SPIRE1: variants seen among roughly 807,000 people sequenced by gnomAD.
The protein encoded by SPIRE1 is protein spire homolog 1.
Under a neutral mutation model 94.1 loss-of-function variants are expected in SPIRE1, and 40 were observed. The ratio of observed to expected loss-of-function variants is 0.43; its 90% CI spans 0.33 to 0.55. The LOEUF is 0.55. Among genes scored for constraint, SPIRE1 ranks in the 20% least tolerant of loss-of-function variants. The probability of loss-of-function intolerance (pLI) is 0.06; values close to 1 mark genes in which losing one functional copy is unlikely to be tolerated. For synonymous variants in SPIRE1, 376 were observed against 371.7 expected, an observed-to-expected ratio of 1.01 and a Z score of -0.13; for missense variants, 838 against 975.2, an observed-to-expected ratio of 0.86 and a Z score of 1.87.
chr18:12,456,989 C>A (rs1333259948), intron 12 of SPIRE1, among the ~76,000 whole-genome samples: 1 of 152,110 alleles, frequency 6.6e-6, no homozygotes, highest in Non-Finnish European at 1.5e-5. Context: ...AGGTGTGCAC[C>A]ACCACACCTA....
intron 8 of SPIRE1, among the ~76,000 whole-genome samples, chr18:12,487,477 C>T (rs1037184375): frequency 2.7e-5 from 4 of 149,544 alleles, no homozygotes; most frequent in Non-Finnish European, 5.9e-5. Context: ...GGTGCAATCT[C>T]GGCTCACTAC....
intron 3 of SPIRE1, among the ~76,000 whole-genome samples, chr18:12,539,603 A>G: frequency 6.6e-6 from 1 of 150,784 alleles, no homozygotes; most frequent in East Asian, 1.9e-4. Context: ...ACACACACAC[A>G]CACACACACA....
intron 1 of SPIRE1, among the ~76,000 whole-genome samples, chr18:12,647,325 G>A (rs1447922824): frequency 6.6e-6 from 1 of 152,090 alleles, no homozygotes; most frequent in Non-Finnish European, 1.5e-5. Flanking sequence ...TGCTACATTT[G>A]TTCACCAAAA....
In SPIRE1 at chr18:12,546,683, A is replaced by G; in HGVS notation, c.594T>C (p.Asp198=). The change falls in exon 3 of 17, where the codon GAT becomes GAC. Residue 198 remains aspartate (D), a synonymous_variant. Coordinates refer to ENST00000409402, the MANE Select transcript of SPIRE1 (RefSeq NM_001128626.2). ...TAAAACGCTGCCTTACCTTCATGAC[A>G]TCTCTATATGACCGAATAGCTGAGA... ...RKISAIRSYR[D]VMKLCAAHLP... 1 of 1,613,006 alleles carries G rather than the reference A, an allele frequency of 6.2e-7. No individual in the cohort carries two copies. Among genetic ancestry groups the G allele is most frequent in the Non-Finnish European group, 8.5e-7 (1 of 1,179,094 alleles).
intron 2 of SPIRE1, among the ~76,000 whole-genome samples, chr18:12,587,724 G>A (rs2036426140): frequency 1.3e-5 from 2 of 152,024 alleles, no homozygotes; most frequent in Admixed American, 6.6e-5. Flanking sequence ...AGTGATTTAG[G>A]CATTAGAGAG....
chr18:12,455,388 A>G (rs117002037), intron 12 of SPIRE1, among the ~76,000 whole-genome samples: 1 of 152,316 alleles, frequency 6.6e-6, no homozygotes, highest in East Asian at 1.9e-4. Context: ...ACATGAAACT[A>G]CTGGAGCATT....
intron 1 of SPIRE1, among the ~76,000 whole-genome samples, chr18:12,654,812 G>A (rs1481039002): frequency 6.6e-6 from 1 of 151,984 alleles, no homozygotes; most frequent in Non-Finnish European, 1.5e-5. Flanking sequence ...GGCGGATCAT[G>A]AGGTCAAGAG....
intron 2 of SPIRE1, among the ~76,000 whole-genome samples, chr18:12,598,431 T>G (rs566784932): frequency 1.3e-5 from 2 of 152,172 alleles, no homozygotes; most frequent in African/African-American, 4.8e-5. Context: ...TAACATATTT[T>G]TAGCATATGC....
chr18:12,537,316 T>C (rs9959201), intron 3 of SPIRE1, among the ~76,000 whole-genome samples: 8,156 of 152,350 alleles, frequency 0.054, 242 homozygotes, highest in South Asian at 0.11. Context: ...TTACCTTATG[T>C]AACTTAACCC....
chr18:12,620,660 C>T (rs1013093499), intron 2 of SPIRE1, among the ~76,000 whole-genome samples: 2 of 152,020 alleles, frequency 1.3e-5, no homozygotes, highest in Non-Finnish European at 2.9e-5. Flanking sequence ...TAACTGAAAT[C>T]GATCAAAGAC....
chr18:12,510,760 G>A (rs556279598), intron 5 of SPIRE1, among the ~76,000 whole-genome samples: 97 of 151,972 alleles, frequency 6.4e-4, no homozygotes, highest in African/African-American at 2.2e-3. Context: ...GGCTGGTCTC[G>A]AACTCCTGAC....
At chr18:12,463,552 T>G (rs1267534060) in intron 11 of SPIRE1, 59 bp from the exon 12 acceptor site, 3 of 1,333,362 alleles carry the variant, frequency 2.2e-6, no homozygotes, top group Non-Finnish European at 3.2e-6. Context: ...CAAAACCTTT[T>G]GACATTTGTG....
intron 2 of SPIRE1, among the ~76,000 whole-genome samples, chr18:12,628,535 C>CT (rs1567977816): frequency 6.6e-6 from 1 of 152,136 alleles, no homozygotes; most frequent in African/African-American, 2.4e-5. Flanking sequence ...AATGCGGGCT[C>CT]TTTTTTGGTT....
chr18:12,454,862 A>G (rs950495415), intron 12 of SPIRE1, among the ~76,000 whole-genome samples: 2 of 152,178 alleles, frequency 1.3e-5, no homozygotes, highest in Non-Finnish European at 2.9e-5. Context: ...TGTCTTCTAC[A>G]CCTATGAAAA....
At chr18:12,661,803 C>G (rs1004051005), upstream of SPIRE1, 1 of 154,916 alleles carries the variant, frequency 6.5e-6, no homozygotes, top group Non-Finnish European at 1.4e-5. Flanking sequence ...TCCAAAGATT[C>G]AAATGCCTTT....
chr18:12,529,140 C>T (rs942458621), intron 4 of SPIRE1, among the ~76,000 whole-genome samples: 3 of 152,098 alleles, frequency 2.0e-5, no homozygotes, highest in Non-Finnish European at 2.9e-5. Flanking sequence ...GAGGCCGAGG[C>T]GGGCGGACCA....
rs373946849 is a variant in SPIRE1, at chr18:12,618,346, C to T, written c.372+16716G>A. ...TGATTTCCTGACCTTGTTATCCGCC[C>T]GCCTCGGCCTCCCAAAGTGCTGAGA... is the stretch of plus-strand genomic sequence containing the variant. On this transcript the variant is annotated intron_variant, in intron 2 of 16. Coordinates refer to ENST00000409402, the MANE Select transcript of SPIRE1 (RefSeq NM_001128626.2). Among the ~76,000 whole-genome samples the T allele has an allele frequency of 5.3e-5, 8 of 152,058 alleles. No individual in the cohort carries two copies. The East Asian group carries it at 5.8e-4, about 11-fold the overall frequency.
At chr18:12,623,361 G>A (rs1567974236) in intron 2 of SPIRE1, among the ~76,000 whole-genome samples, 1 of 152,016 alleles carries the variant, frequency 6.6e-6, no homozygotes, top group African/African-American at 2.4e-5. Context: ...CACTGTGTTA[G>A]CCAGGATGGT....
intron 5 of SPIRE1, among the ~76,000 whole-genome samples, chr18:12,511,627 A>C: frequency 6.6e-6 from 1 of 152,236 alleles, no homozygotes; most frequent in East Asian, 1.9e-4. Flanking sequence ...ATAAAACCAG[A>C]AAGCTTTTTA....
Sources: gnomAD v4.1 joint callset for allele counts (sites outside exome capture counted in the v4.1 genomes callset) on GRCh38, gnomAD v4.1.1 for gene constraint, MANE v1.5 for transcripts, NCBI Gene and HGNC (gene_info 2026-07-23, HGNC 2026-07-21) for gene names.